ASTL: variants seen among roughly 807,000 people sequenced by gnomAD.
ASTL encodes astacin like metalloendopeptidase, also known as astacin-like metalloendopeptidase.
A neutral mutation model predicts 36.7 loss-of-function variants in ASTL; 27 were observed. That is an observed-to-expected ratio of 0.73 (90% CI 0.54 to 1.01). The LOEUF (loss-of-function observed/expected upper bound fraction) is 1.01, where lower values mean the gene tolerates loss of function less well. ASTL is among the 50% of genes least tolerant of loss of function. ASTL has a pLI of 0.00. For missense variants in ASTL, 524 were observed against 572.8 expected, an observed-to-expected ratio of 0.91 and a Z score of 0.87; for synonymous variants, 222 against 228.1, an observed-to-expected ratio of 0.97 and a Z score of 0.24.
In ASTL at chr2:96,124,176, C is replaced by CG; in HGVS notation, c.969dup (p.Asp324ArgfsTer99). On this transcript the variant is annotated frameshift_variant, in exon 9 of 9. Transcript: ENST00000342380. LOFTEE classifies it low-confidence loss of function (END_TRUNC). The surrounding 1 kb of genome is among the most constrained non-coding windows in gnomAD (Gnocchi z 4.1). ...CCTCCCGCACTGGAACCACTGGGGT[C>CG]GGGGCTCCTGGATTCCGCCGACAGT... 1 of 1,539,918 alleles carries CG rather than the reference C, an allele frequency of 6.5e-7. No individual in the cohort carries two copies. The highest frequency in any genetic ancestry group is 8.7e-7 in the Non-Finnish European group (1 of 1,145,252).
At position 96,124,066 on chromosome 2, in the gene ASTL, T is replaced by G. The variant is rs759409591; in HGVS notation, c.1080A>C (p.Ala360=). ...ALKKLSAEAS[A]RQPQTLASSP... ...AGGAAGCTAGGGTCTGAGGCTGCCTTGCCGAGGCCTCTGCACTGAGCTTTT... is the reference window on the plus strand; with the variant it reads ...AGGAAGCTAGGGTCTGAGGCTGCCTGGCCGAGGCCTCTGCACTGAGCTTTT... The change falls in exon 9 of 9, where the codon GCA becomes GCC. Residue 360 remains alanine, a synonymous_variant. Transcript: ENST00000342380. The surrounding 1 kb of genome is among the most constrained non-coding windows in gnomAD (Gnocchi z 4.1). The G allele has an allele frequency of 1.2e-6, 2 of 1,613,598 alleles. No individual in the cohort carries two copies. The highest frequency in any genetic ancestry group is 2.7e-5 in the African/African-American group (2 of 74,914).
rs752005783 is a variant in ASTL, at chr2:96,137,541, C to T, written c.181+34G>A. 7.5e-6 allele frequency: 12 copies of T among 1,606,016 alleles called. 1 individual carries two copies. Among genetic ancestry groups the T allele is most frequent in the Middle Eastern group, 1.7e-4 (1 of 6,050 alleles). Reference sequence around the variant, plus strand: ...GTTTTCACACTACATAACGTCGTGCCCCTCCAGGCCGTGAGAAGATGTAGT... The same window carrying T: ...GTTTTCACACTACATAACGTCGTGCTCCTCCAGGCCGTGAGAAGATGTAGT... On this transcript the variant is annotated intron_variant, in intron 2 of 8. Coordinates refer to ENST00000342380, the MANE Select transcript of ASTL (RefSeq NM_001002036.4).
chr2:96,122,915 C>G lies in ASTL; in HGVS notation c.*935G>C, dbSNP rs940138226. 2.6e-5 allele frequency among the ~76,000 whole-genome samples: 4 copies of G among 152,246 alleles called. No homozygotes were observed. Among genetic ancestry groups the G allele is most frequent in the African/African-American group, 7.2e-5 (3 of 41,472 alleles). On this transcript the variant is annotated 3_prime_UTR_variant, in exon 9 of 9. Transcript: ENST00000342380. ...CTTCCTTGACCCTCTGAAAGGCCAC[C>G]AAAACAGTACCCTTGGGGACTGAGG... is the stretch of plus-strand genomic sequence containing the variant.
chr2:96,132,750 A>C lies in ASTL; in HGVS notation c.456-29T>G, dbSNP rs1414391303. The stretch of plus-strand genomic sequence containing the variant: ...CAGGGTGATGAGAGCAAGTGGGGTA[A>C]GTGCCAGCCCAGATCCCTCCGGACA... On this transcript the variant is annotated intron_variant, in intron 5 of 8. Transcript: ENST00000342380. This position sits in a 1 kb window ranked among gnomAD's most constrained non-coding sequence, Gnocchi z 5.4. The C allele has an allele frequency of 1.9e-6, 3 of 1,591,098 alleles. No individual in the cohort carries two copies. Among genetic ancestry groups the C allele is most frequent in the Non-Finnish European group, 2.6e-6 (3 of 1,163,006 alleles).
At chr2:96,125,675 G>C (rs1320936098) in intron 8 of ASTL, among the ~76,000 whole-genome samples, 3 of 152,158 alleles carry the variant, frequency 2.0e-5, no homozygotes, top group African/African-American at 7.2e-5. Context: ...AAGCATGCTG[G>C]CTCACATCTG....
In ASTL at chr2:96,123,577, C is replaced by T. The variant is rs1053374985; in HGVS notation, c.*273G>A. ...GACCTGTCCCTGGAGAATGTCACCTCCCATTCCCAGCATCCACCAGGGCTG... is the reference window on the plus strand; with the variant it reads ...GACCTGTCCCTGGAGAATGTCACCTTCCATTCCCAGCATCCACCAGGGCTG... On this transcript the variant is annotated 3_prime_UTR_variant, in exon 9 of 9. Transcript: ENST00000342380. Among the ~76,000 whole-genome samples, 8 of 152,182 alleles carry T rather than the reference C, an allele frequency of 5.3e-5. No individual in the cohort carries two copies. Among genetic ancestry groups the T allele is most frequent in the African/African-American group, 1.9e-4 (8 of 41,444 alleles).
intron 3 of ASTL, 103 bp downstream of exon 3, chr2:96,135,248 T>A: frequency 1.1e-6 from 1 of 871,008 alleles, no homozygotes; most frequent in Non-Finnish European, 1.9e-6. Context: ...AAGCTATGTA[T>A]GTCCCTCACA....
intron 2 of ASTL, 148 bp downstream of exon 2, chr2:96,137,427 A>G: frequency 1.1e-6 from 1 of 905,110 alleles, no homozygotes. Flanking sequence ...CAATATAGCA[A>G]CACCACTCCA....
At position 96,129,963 on chromosome 2, in the gene ASTL, C is replaced by T; in HGVS notation, c.735G>A (p.Arg245=). Reference sequence around the variant, plus strand: ...GTGGTGTGATGGTGGGCAGCCCACGCCGGCTGAAGGCGAGCCTGGAACCCA... The same window carrying T: ...GTGGTGTGATGGTGGGCAGCCCACGTCGGCTGAAGGCGAGCCTGGAACCCA... The part of the protein sequence containing the change: ...VMHYGRLAFS[R]RGLPTITPLW... The change falls in exon 8 of 9, where the codon CGG becomes CGA. Residue 245 remains arginine (R), a synonymous_variant. Coordinates refer to ENST00000342380, the MANE Select transcript of ASTL (RefSeq NM_001002036.4). 6.2e-7 allele frequency: 1 copy of T among 1,603,754 alleles called. No homozygotes were observed. Among genetic ancestry groups the T allele is most frequent in the African/African-American group, 1.3e-5 (1 of 74,802 alleles).
chr2:96,126,718 T>C (rs144983170), intron 8 of ASTL, among the ~76,000 whole-genome samples: 306 of 152,222 alleles, frequency 2.0e-3, no homozygotes, highest in African/African-American at 6.9e-3. Flanking sequence ...TAGCCGGGCA[T>C]GGTGGCACAT....
At position 96,135,418 on chromosome 2, in the gene ASTL, AAAGG is replaced by A. The variant is rs1280192513; in HGVS notation, c.182-10_182-7del. On this transcript the variant is annotated splice_region_variant and splice_polypyrimidine_tract_variant and intron_variant, in intron 2 of 8. Transcript: ENST00000342380. Reference sequence around the variant, plus strand: ...GGTTTCTTCCAGGATGAGCCCTGGGAAAGGAAGAAGGACGTGTTGGCCCATGTCC... The same window carrying A: ...GGTTTCTTCCAGGATGAGCCCTGGGAAAGAAGGACGTGTTGGCCCATGTCC... The A allele has an allele frequency of 8.7e-6, 14 of 1,613,890 alleles. No individual in the cohort carries two copies. Among genetic ancestry groups the A allele is most frequent in the Non-Finnish European group, 1.2e-5 (14 of 1,179,940 alleles).
intron 3 of ASTL, 55 bp from the exon 4 acceptor site, chr2:96,134,113 G>T: frequency 7.9e-7 from 1 of 1,261,702 alleles, no homozygotes; most frequent in South Asian, 1.2e-5. Context: ...CAAGCTTTGT[G>T]CCCCAAGGGT....
chr2:96,129,965 G>A lies in ASTL; in HGVS notation c.733C>T (p.Arg245Trp), dbSNP rs139129570. 41 of 1,603,344 alleles carry A rather than the reference G, an allele frequency of 2.6e-5. No homozygotes were observed. Among genetic ancestry groups the A allele is most frequent in the Middle Eastern group, 3.4e-4 (2 of 5,854 alleles). ...GGTGTGATGGTGGGCAGCCCACGCC[G>A]GCTGAAGGCGAGCCTGGAACCCAGC... ...VMHYGRLAFS[R>W]RGLPTITPLW... The change falls in exon 8 of 9, where the codon CGG becomes TGG. Residue 245 changes from arginine to tryptophan, a missense_variant. Coordinates refer to ENST00000342380, the MANE Select transcript of ASTL (RefSeq NM_001002036.4).
In ASTL at chr2:96,122,959, A is replaced by G. The variant is rs1681987676; in HGVS notation, c.*891T>C. On this transcript the variant is annotated 3_prime_UTR_variant, in exon 9 of 9. Coordinates refer to ENST00000342380, the MANE Select transcript of ASTL (RefSeq NM_001002036.4). ...ACTGAGGGGCCTCTGGCCTAGGCCC[A>G]CTCATTGGCACCCTGGATGCTTTCT... 6.6e-6 allele frequency among the ~76,000 whole-genome samples: 1 copy of G among 152,194 alleles called. No homozygotes were observed. Among genetic ancestry groups the G allele is most frequent in the Non-Finnish European group, 1.5e-5 (1 of 68,038 alleles).
At chr2:96,134,243 C>T (rs1682249301) in intron 3 of ASTL, among the ~76,000 whole-genome samples, 185 bp from the exon 4 acceptor site, 1 of 152,210 alleles carries the variant, frequency 6.6e-6, no homozygotes, top group Non-Finnish European at 1.5e-5. Context: ...CTACATGAAC[C>T]TTGATGCACA....
Position 96,123,888 on chromosome 2 carries a change from C to T in ASTL, c.1258G>A (p.Val420Ile), listed in dbSNP as rs1395705296. ...QGSPALPGGC[V>I]PRNHFKGMSE... ...ATCCCCTTGAAATGATTTCTAGGTA[C>T]ACAGCCCCCTGGCAGAGCTGGGCTT... Residue 420 changes from valine to isoleucine, a missense_variant, in exon 9 of 9, where the codon GTA (valine) becomes ATA (isoleucine). Transcript: ENST00000342380. 3 of 1,613,840 alleles carry T rather than the reference C, an allele frequency of 1.9e-6. No homozygotes were observed. Among genetic ancestry groups the T allele is most frequent in the African/African-American group, 1.3e-5 (1 of 74,934 alleles).
At position 96,137,619 on chromosome 2, in the gene ASTL, C is replaced by T; in HGVS notation, c.137G>A (p.Gly46Glu). 6.2e-7 allele frequency: 1 copy of T among 1,613,916 alleles called. No homozygotes were observed. The highest frequency in any genetic ancestry group is 2.2e-5 in the East Asian group (1 of 44,876). The part of the protein sequence containing the change: ...TSFPDGLTPE[G>E]TQASGDKDIP... ...GTCCTTGTCCCCGGAGGCCTGGGTT[C>T]CCTCAGGGGTGAGGCCATCTGGGAA... The change falls in exon 2 of 9, where the codon GGA (glycine) becomes GAA (glutamate). Residue 46 changes from glycine (G) to glutamate (E), a missense_variant. Coordinates refer to ENST00000342380, the MANE Select transcript of ASTL (RefSeq NM_001002036.4).
intron 6 of ASTL, among the ~76,000 whole-genome samples, chr2:96,131,236 T>A (rs1682172861): frequency 6.6e-6 from 1 of 152,120 alleles, no homozygotes; most frequent in Non-Finnish European, 1.5e-5. Context: ...GTCTACACAT[T>A]TTCTCTGAGC....
rs1682228929 is a variant in ASTL at position 96,133,481 on chromosome 2, G to A, written c.399C>T (p.Ile133=). 2.5e-6 allele frequency: 4 copies of A among 1,614,160 alleles called. No individual in the cohort carries two copies. Among genetic ancestry groups the A allele is most frequent in the Non-Finnish European group, 3.4e-6 (4 of 1,179,990 alleles). Residue 133 remains isoleucine (I), a synonymous_variant, in exon 5 of 9, where the codon ATC becomes ATT. Coordinates refer to ENST00000342380, the MANE Select transcript of ASTL (RefSeq NM_001002036.4). ...TCTGGTCCTGATAGGTGACAAACCT[G>A]ATGCACGTGGAACGTTCAAACTCCG... The part of the protein sequence containing the change: ...ALAEFERSTC[I]RFVTYQDQRD...
Sources: allele counts gnomAD v4.1 joint callset (sites outside exome capture counted in the v4.1 genomes callset), GRCh38; gene constraint gnomAD v4.1.1; non-coding constraint Gnocchi (gnomAD v3.1); transcripts MANE v1.5; gene names NCBI Gene and HGNC (gene_info 2026-07-23, HGNC 2026-07-21).